Variants in MACC1 observed in about 807,000 individuals in gnomAD.
The protein encoded by MACC1 is metastasis-associated in colon cancer protein 1.
A neutral mutation model predicts 70.7 loss-of-function variants in MACC1; 79 were observed. The ratio of observed to expected loss-of-function variants is 1.12; its 90% CI spans 0.93 to 1.35. The LOEUF (loss-of-function observed/expected upper bound fraction) is 1.35. Ranked by LOEUF, MACC1 falls within the 40% of genes most tolerant of loss-of-function variation. The probability of loss-of-function intolerance (pLI) is 0.00; values close to 1 mark genes in which losing one functional copy is unlikely to be tolerated. For synonymous variants in MACC1, 361 were observed against 347.2 expected, an observed-to-expected ratio of 1.04 and a Z score of -0.44; for missense variants, 1,106 against 978.1, an observed-to-expected ratio of 1.13 and a Z score of -1.74.
intron 1 of MACC1, among the ~76,000 whole-genome samples, chr7:20,207,945 T>G (rs972082729): frequency 2.0e-5 from 3 of 152,284 alleles, no homozygotes; most frequent in African/African-American, 7.2e-5. Flanking sequence ...GGGAGGTAAT[T>G]GAATCATGGG....
Position 20,158,517 on chromosome 7 carries a change from T to G in MACC1, c.1844A>C (p.Lys615Thr). Reference protein sequence around the residue: ...KIGLVHCKNVKVISKEQVMFM... With the variant: ...KIGLVHCKNVTVISKEQVMFM... The stretch of plus-strand genomic sequence containing the variant: ...CATTACTTGCTCCTTTGAAATCACC[T>G]TGACATTTTTGCAGTGTACAAGTCC... The change falls in exon 5 of 7, where the codon AAG becomes ACG. Residue 615 changes from lysine (K) to threonine (T), a missense_variant. Transcript: ENST00000400331. 6.2e-7 allele frequency: 1 copy of G among 1,614,128 alleles called. No homozygotes were observed. Among genetic ancestry groups the G allele is most frequent in the Non-Finnish European group, 8.5e-7 (1 of 1,179,994 alleles).
intron 5 of MACC1, 103 bp from the exon 6 acceptor site, chr7:20,154,484 T>C: frequency 1.7e-6 from 2 of 1,161,090 alleles, no homozygotes; most frequent in Non-Finnish European, 2.4e-6. Context: ...GAGTCCTTTT[T>C]TTTCACTACA....
At chr7:20,209,814 C>T (rs1782970131) in intron 1 of MACC1, among the ~76,000 whole-genome samples, 1 of 152,136 alleles carries the variant, frequency 6.6e-6, no homozygotes, top group African/African-American at 2.4e-5. Flanking sequence ...TCCTAATCCC[C>T]ATGTGCTGTG....
At chr7:20,157,253 T>C (rs550140211) in intron 5 of MACC1, among the ~76,000 whole-genome samples, 1 of 152,170 alleles carries the variant, frequency 6.6e-6, no homozygotes, top group African/African-American at 2.4e-5. Context: ...TTTAGAAATA[T>C]GATCTTGATT....
intron 5 of MACC1, among the ~76,000 whole-genome samples, chr7:20,155,540 A>G (rs1337518860): frequency 1.3e-5 from 2 of 152,210 alleles, no homozygotes; most frequent in African/African-American, 4.8e-5. Context: ...AACCCAAACC[A>G]CAGAAAGTGA....
intron 1 of MACC1, among the ~76,000 whole-genome samples, chr7:20,211,300 G>A (rs1053989453): frequency 4.0e-5 from 6 of 151,866 alleles, no homozygotes; most frequent in African/African-American, 1.5e-4. Context: ...AATGTGTTTG[G>A]CATATAGTAA....
At chr7:20,168,447 C>G (rs773064131) in intron 2 of MACC1, among the ~76,000 whole-genome samples, 1 of 152,068 alleles carries the variant, frequency 6.6e-6, no homozygotes, top group Non-Finnish European at 1.5e-5. Flanking sequence ...ATAAGGTAAA[C>G]ATGATTAGTT....
At chr7:20,182,019 G>T (rs1025431064) in intron 1 of MACC1, among the ~76,000 whole-genome samples, 1 of 151,566 alleles carries the variant, frequency 6.6e-6, no homozygotes. Context: ...CCATAAAAAA[G>T]GATGAGTTCA....
rs1781758464 is a variant in MACC1 at position 20,138,936 on chromosome 7, T to G, written c.*2010A>C. 1 of 152,310 alleles carries G rather than the reference T, an allele frequency of 6.6e-6. No individual in the cohort carries two copies. The highest frequency in any genetic ancestry group is 1.5e-5 in the Non-Finnish European group (1 of 68,134). 9.4% of individuals were successfully genotyped at this position (152,310 alleles called of 1,614,324 possible). A position where few individuals can be genotyped will look rare whatever the true frequency, so the allele number is the denominator to read the frequency against. ...ATCTGCCCGCCTCGGCCTCCCAAAG[T>G]GCTGGGATTTCAGGCATGAGCCATC... On this transcript the variant is annotated 3_prime_UTR_variant, in exon 7 of 7. Transcript: ENST00000400331.
At chr7:20,152,556 T>C (rs1160642159) in intron 6 of MACC1, among the ~76,000 whole-genome samples, 1 of 152,176 alleles carries the variant, frequency 6.6e-6, no homozygotes, top group East Asian at 1.9e-4. Context: ...ATAACATGAA[T>C]CTGAGTGATG....
chr7:20,136,870 G>T lies in MACC1; in HGVS notation c.*4076C>A, dbSNP rs1001669699. ...TTAATTGTAATTATTAATTCTTAAA[G>T]ATTATTAATTATAATATTAAATTAT... is the stretch of plus-strand genomic sequence containing the variant. On this transcript the variant is annotated 3_prime_UTR_variant, in exon 7 of 7. Transcript: ENST00000400331. The T allele has an allele frequency of 1.4e-5, 2 of 140,248 alleles. No homozygotes were observed. The highest frequency in any genetic ancestry group is 3.2e-5 in the Non-Finnish European group (2 of 62,078). The allele number at this position is 140,248 out of a possible 1,614,324, so 8.7% of individuals were successfully genotyped here.
At chr7:20,193,982 A>G (rs2128107455) in intron 1 of MACC1, among the ~76,000 whole-genome samples, 1 of 152,296 alleles carries the variant, frequency 6.6e-6, no homozygotes, top group Non-Finnish European at 1.5e-5. Context: ...TAGAGCAGAA[A>G]CAGCAAGATC....
At chr7:20,180,273 T>A (rs1256401959) in intron 1 of MACC1, among the ~76,000 whole-genome samples, 1 of 150,566 alleles carries the variant, frequency 6.6e-6, no homozygotes, top group Non-Finnish European at 1.5e-5. Context: ...TAAAACCCCG[T>A]CTCTACTAAA....
chr7:20,204,899 C>G (rs1269963400), intron 1 of MACC1, among the ~76,000 whole-genome samples: 2 of 152,126 alleles, frequency 1.3e-5, no homozygotes, highest in African/African-American at 4.8e-5. Context: ...ACCCAGTGAG[C>G]AGAGATTGTA....
At chr7:20,191,070 A>C (rs190532137) in intron 1 of MACC1, among the ~76,000 whole-genome samples, 11 of 152,230 alleles carry the variant, frequency 7.2e-5, no homozygotes, top group Admixed American at 7.2e-4. Context: ...TCATATCTGC[A>C]AAAGACTAGC....
chr7:20,145,821 C>G (rs1781882025), intron 6 of MACC1, among the ~76,000 whole-genome samples: 1 of 152,128 alleles, frequency 6.6e-6, no homozygotes, highest in South Asian at 2.1e-4. Context: ...ACTTAATACA[C>G]TGATAAAAAA....
intron 1 of MACC1, among the ~76,000 whole-genome samples, chr7:20,176,357 T>G (rs1395927343): frequency 2.0e-5 from 3 of 152,120 alleles, no homozygotes; most frequent in Non-Finnish European, 4.4e-5. Flanking sequence ...CAGGGTTAAT[T>G]AATCTGTCAA....
chr7:20,212,002 T>A (rs1783003765), intron 1 of MACC1, among the ~76,000 whole-genome samples: 1 of 152,192 alleles, frequency 6.6e-6, no homozygotes. Context: ...TTATAGACTG[T>A]TGTTTATGGA....
At chr7:20,203,427 G>A (rs559833565) in intron 1 of MACC1, among the ~76,000 whole-genome samples, 1 of 152,322 alleles carries the variant, frequency 6.6e-6, no homozygotes, top group Non-Finnish European at 1.5e-5. Context: ...TGATGATGGT[G>A]TGTGCGTGCA....
Sources: gnomAD v4.1 joint callset for allele counts (sites outside exome capture counted in the v4.1 genomes callset) on GRCh38, gnomAD v4.1.1 for gene constraint, MANE v1.5 for transcripts, NCBI Gene and HGNC (gene_info 2026-07-23, HGNC 2026-07-21) for gene names.